Variants in CNTNAP2 observed in about 807,000 individuals in gnomAD.
The protein encoded by CNTNAP2 is contactin-associated protein-like 2.
In CNTNAP2, 98 loss-of-function variants were observed where a neutral mutation model predicts 155.2. That is an observed-to-expected ratio of 0.63 (90% CI 0.54 to 0.75). CNTNAP2 has a LOEUF of 0.75. CNTNAP2 is among the 30% of genes least tolerant of loss of function. The pLI, the probability that CNTNAP2 is intolerant of heterozygous loss-of-function variation, is 0.00. For synonymous variants in CNTNAP2, 651 were observed against 631.2 expected, an observed-to-expected ratio of 1.03 and a Z score of -0.47; for missense variants, 1,727 against 1,688.1, an observed-to-expected ratio of 1.02 and a Z score of -0.40.
intron 2 of CNTNAP2, among the ~76,000 whole-genome samples, chr7:146,793,302 C>T (rs1302593291): frequency 6.6e-6 from 1 of 152,142 alleles, no homozygotes; most frequent in Non-Finnish European, 1.5e-5. Flanking sequence ...TTAAAATATA[C>T]ATTTAAATTA....
At chr7:146,547,883 A>T (rs1259069546) in intron 1 of CNTNAP2, among the ~76,000 whole-genome samples, 1 of 150,944 alleles carries the variant, frequency 6.6e-6, no homozygotes, top group Non-Finnish European at 1.5e-5. Context: ...CGGTTTCCGT[A>T]GCAGCTGCAC....
intron 13 of CNTNAP2, among the ~76,000 whole-genome samples, chr7:147,734,987 T>G (rs1796815882): frequency 2.6e-5 from 4 of 151,666 alleles, no homozygotes; most frequent in African/African-American, 9.7e-5. Flanking sequence ...TCATTGATTT[T>G]TTTTTTTGAA....
At chr7:148,229,217 G>A (rs1413236271) in intron 19 of CNTNAP2, among the ~76,000 whole-genome samples, 1 of 152,088 alleles carries the variant, frequency 6.6e-6, no homozygotes, top group Non-Finnish European at 1.5e-5. Context: ...GACATCAAGG[G>A]AGGGAGTAAA....
intron 20 of CNTNAP2, among the ~76,000 whole-genome samples, chr7:148,242,543 G>A (rs905167913): frequency 6.6e-6 from 1 of 152,222 alleles, no homozygotes. Context: ...TATAAACACC[G>A]ACCAAAACCA....
chr7:148,369,444 C>T (rs796314211), intron 21 of CNTNAP2, among the ~76,000 whole-genome samples: 3 of 151,540 alleles, frequency 2.0e-5, no homozygotes, highest in African/African-American at 7.3e-5. Flanking sequence ...AGGGTTTCGC[C>T]ATGTTGGCCA....
intron 1 of CNTNAP2, among the ~76,000 whole-genome samples, chr7:146,757,612 T>C (rs1179812187): frequency 6.6e-6 from 1 of 152,178 alleles, no homozygotes; most frequent in Non-Finnish European, 1.5e-5. Context: ...TCCACATGAA[T>C]ATGTCACTTG....
At chr7:146,264,170 G>GGGGT (rs1563013662) in intron 1 of CNTNAP2, among the ~76,000 whole-genome samples, 1 of 152,142 alleles carries the variant, frequency 6.6e-6, no homozygotes, top group African/African-American at 2.4e-5. Flanking sequence ...CAGGCCAGGA[G>GGGGT]GGGTGGCTCA....
chr7:147,925,275 C>A (rs1361139754), intron 14 of CNTNAP2, among the ~76,000 whole-genome samples: 1 of 136,538 alleles, frequency 7.3e-6, no homozygotes, highest in Non-Finnish European at 1.5e-5. Context: ...TGCAGACAAA[C>A]ACACACAAGC....
chr7:147,574,206 C>A (rs1021392905), intron 12 of CNTNAP2, among the ~76,000 whole-genome samples: 4 of 152,098 alleles, frequency 2.6e-5, no homozygotes, highest in African/African-American at 7.2e-5. Flanking sequence ...GAATGCAATA[C>A]CTTTTTTGTA....
rs115004173 is a variant in CNTNAP2 at position 147,796,506 on chromosome 7, G to A, written c.2099-107059G>A. On this transcript the variant is annotated intron_variant, in intron 13 of 23. Transcript: ENST00000361727. ...GTTTAAATGAGGTTCTGTTTGCTAA[G>A]CACTTACCAACAGAGCAGTAGAAGA... Among the ~76,000 whole-genome samples, 1,311 of 141,100 alleles carry A rather than the reference G, an allele frequency of 9.3e-3. 17 individuals are homozygous for A. Among genetic ancestry groups the A allele is most frequent in the African/African-American group, 0.03 (1,234 of 40,478 alleles). The allele number at this position is 141,100 out of a possible 152,430, so 92.6% of individuals were successfully genotyped here. A position where few individuals can be genotyped will look rare whatever the true frequency, so the allele number is the denominator to read the frequency against.
In CNTNAP2 at chr7:147,989,557, G is replaced by A. The variant is rs538279270; in HGVS notation, c.2383+11568G>A. On this transcript the variant is annotated intron_variant, in intron 15 of 23. Transcript: ENST00000361727. ...TCAGAAAAGCTCTGCCCATCTTCCTGCTCCATGTTCCTGTCCCTGTACCCT... is the reference window on the plus strand; with the variant it reads ...TCAGAAAAGCTCTGCCCATCTTCCTACTCCATGTTCCTGTCCCTGTACCCT... 1.6e-3 allele frequency among the ~76,000 whole-genome samples: 251 copies of A among 152,268 alleles called. 2 individuals carry two copies. Among genetic ancestry groups the A allele is most frequent in the Non-Finnish European group, 2.5e-3 (170 of 68,024 alleles).
At chr7:147,773,129 C>T (rs1797501007) in intron 13 of CNTNAP2, among the ~76,000 whole-genome samples, 1 of 152,174 alleles carries the variant, frequency 6.6e-6, no homozygotes, top group Non-Finnish European at 1.5e-5. Flanking sequence ...TGCATAGGAT[C>T]TTTTTAGCTA....
intron 10 of CNTNAP2, among the ~76,000 whole-genome samples, chr7:147,471,604 T>C (rs984548771): frequency 6.6e-6 from 1 of 152,174 alleles, no homozygotes; most frequent in African/African-American, 2.4e-5. Context: ...CAAAATATTT[T>C]AAAAAAAGAA....
At chr7:146,226,615 A>C (rs1020915815) in intron 1 of CNTNAP2, among the ~76,000 whole-genome samples, 1 of 152,142 alleles carries the variant, frequency 6.6e-6, no homozygotes, top group African/African-American at 2.4e-5. Context: ...AGTCAAGATC[A>C]TGTCACTGCA....
At chr7:147,972,178 CTT>C in intron 14 of CNTNAP2, among the ~76,000 whole-genome samples, 1 of 152,272 alleles carries the variant, frequency 6.6e-6, no homozygotes, top group South Asian at 2.1e-4. Context: ...GTAGCTATAA[CTT>C]TGACTTCCTG....
chr7:147,327,014 G>T (rs866088274), intron 9 of CNTNAP2, among the ~76,000 whole-genome samples: 2 of 152,148 alleles, frequency 1.3e-5, no homozygotes, highest in South Asian at 4.1e-4. Flanking sequence ...ACAAACAAAT[G>T]AGTACATCTT....
At chr7:146,248,904 G>A (rs563562418) in intron 1 of CNTNAP2, among the ~76,000 whole-genome samples, 10 of 152,262 alleles carry the variant, frequency 6.6e-5, no homozygotes, top group South Asian at 2.1e-4. Flanking sequence ...GGCTGAGTCC[G>A]AAAAGAGAGT....
At chr7:146,855,351 G>C (rs1043302287) in intron 3 of CNTNAP2, among the ~76,000 whole-genome samples, 1 of 152,018 alleles carries the variant, frequency 6.6e-6, no homozygotes, top group Admixed American at 6.6e-5. Context: ...TAATTATACA[G>C]CTCCAATAAC....
chr7:147,732,540 G>A (rs2116469138), intron 13 of CNTNAP2, among the ~76,000 whole-genome samples: 1 of 152,142 alleles, frequency 6.6e-6, no homozygotes, highest in Middle Eastern at 3.4e-3. Context: ...ATAATCCTTT[G>A]GGTATATACC....
Sources: gnomAD v4.1 joint callset for allele counts (sites outside exome capture counted in the v4.1 genomes callset) on GRCh38, gnomAD v4.1.1 for gene constraint, MANE v1.5 for transcripts, NCBI Gene and HGNC (gene_info 2026-07-23, HGNC 2026-07-21) for gene names.